USP54: variants seen among roughly 807,000 people sequenced by gnomAD.
The protein encoded by USP54 is ubiquitin carboxyl-terminal hydrolase 54.
A neutral mutation model predicts 170.5 loss-of-function variants in USP54; 87 were observed. That is an observed-to-expected ratio of 0.51 (90% confidence interval 0.43 to 0.61). The LOEUF (loss-of-function observed/expected upper bound fraction) is 0.61. USP54 is among the 20% of genes least tolerant of loss of function. The pLI, the probability that USP54 is intolerant of heterozygous loss-of-function variation, is 0.00. For synonymous variants in USP54, 655 were observed against 742.8 expected (o/e 0.88, Z 1.92); for missense variants, 1,786 against 2,047.8 (o/e 0.87, Z 2.47).
Position 73,517,718 on chromosome 10 carries a change from A to T in USP54, c.2708T>A (p.Leu903Ter). ...SEQPIPLQVL[L>*]SQEAQLESGM... is the part of the protein sequence containing the mutation. ...GGATTCCAGTTGGGCCTCTTGGCTTAACAATACTTGGAGCGGGATAGGCTG... is the reference window on the plus strand; with the variant it reads ...GGATTCCAGTTGGGCCTCTTGGCTTTACAATACTTGGAGCGGGATAGGCTG... The change falls in exon 20 of 24, where the codon TTA (leucine) becomes TAA (stop). Residue 903 changes from leucine (L) to a stop codon, truncating the protein, a stop_gained. Coordinates refer to ENST00000687698, the MANE Select transcript of USP54 (RefSeq NM_001391956.1). LOFTEE classifies it high-confidence loss of function. 6.2e-7 allele frequency: 1 copy of T among 1,614,056 alleles called. No individual in the cohort carries two copies. Among genetic ancestry groups the T allele is most frequent in the Non-Finnish European group, 8.5e-7 (1 of 1,179,978 alleles).
intron 4 of USP54, among the ~76,000 whole-genome samples, chr10:73,567,952 C>T (rs534594661): frequency 1.1e-4 from 16 of 152,152 alleles, no homozygotes; most frequent in African/African-American, 3.6e-4. Context: ...CTTGTTCTAT[C>T]ACCCTGGCTG....
At chr10:73,565,677 C>T (rs2073597457) in intron 4 of USP54, among the ~76,000 whole-genome samples, 1 of 152,070 alleles carries the variant, frequency 6.6e-6, no homozygotes, top group East Asian at 1.9e-4. Context: ...TACATGAGTA[C>T]CACCACACTG....
intron 4 of USP54, among the ~76,000 whole-genome samples, chr10:73,559,501 G>A (rs988345678): frequency 6.8e-6 from 1 of 148,008 alleles, no homozygotes; most frequent in Non-Finnish European, 1.5e-5. Context: ...TGGAGGTTGC[G>A]ATGAGCCTAG....
chr10:73,611,989 T>C (rs970088146), intron 1 of USP54, among the ~76,000 whole-genome samples: 1 of 151,304 alleles, frequency 6.6e-6, no homozygotes, highest in Non-Finnish European at 1.5e-5. Context: ...TATGCCCCTA[T>C]AGTCCCAGCT....
chr10:73,516,361 G>C lies in USP54; in HGVS notation c.4051+14C>G. 1.3e-6 allele frequency: 2 copies of C among 1,588,858 alleles called. No individual in the cohort carries two copies. Among genetic ancestry groups the C allele is most frequent in the Non-Finnish European group, 1.7e-6 (2 of 1,168,182 alleles). ...ATCCTCCCCCCTCCCCCCAACCCCT[G>C]GTTGCATTCTTACCTGTTTGGCTAA... On this transcript the variant is annotated intron_variant, in intron 20 of 23. Transcript: ENST00000687698.
intron 22 of USP54, among the ~76,000 whole-genome samples, chr10:73,504,010 C>G (rs2058638298): frequency 6.6e-6 from 1 of 152,246 alleles, no homozygotes; most frequent in African/African-American, 2.4e-5. Flanking sequence ...GCCACCACGC[C>G]TGGCCTCGGC....
chr10:73,510,731 G>A (rs1243509198), intron 20 of USP54, among the ~76,000 whole-genome samples: 1 of 152,124 alleles, frequency 6.6e-6, no homozygotes. Context: ...TTACAGGTGT[G>A]AGTCACTGTG....
Position 73,541,368 on chromosome 10 carries a change from C to A in USP54, c.825+7G>T. On this transcript the variant is annotated splice_region_variant and intron_variant, in intron 9 of 23. Transcript: ENST00000687698. ...CAAAGTGAGAGATAAAGGTAACTAA[C>A]ACGCACATCACCCAGCTTAAGGCAG... The A allele has an allele frequency of 6.2e-7, 1 of 1,613,894 alleles. No homozygotes were observed. Among genetic ancestry groups the A allele is most frequent in the African/African-American group, 1.3e-5 (1 of 75,012 alleles).
At chr10:73,623,746 T>C (rs2132373357) in intron 1 of USP54, among the ~76,000 whole-genome samples, 1 of 152,322 alleles carries the variant, frequency 6.6e-6, no homozygotes, top group Non-Finnish European at 1.5e-5. Context: ...TCATATATTG[T>C]GCTTATTACA....
At chr10:73,559,516 C>A (rs562505935) in intron 4 of USP54, among the ~76,000 whole-genome samples, 1 of 148,754 alleles carries the variant, frequency 6.7e-6, no homozygotes, top group Non-Finnish European at 1.5e-5. Flanking sequence ...GCCTAGATTG[C>A]GCCATTGCAC....
At chr10:73,625,653 C>A, upstream of USP54, 1 of 152,920 alleles carries the variant, frequency 6.5e-6, no homozygotes. Flanking sequence ...CCGTAAACAC[C>A]CTGCTCCCAA....
intron 5 of USP54, among the ~76,000 whole-genome samples, chr10:73,544,032 T>G (rs937950919): frequency 6.6e-6 from 1 of 151,594 alleles, no homozygotes; most frequent in African/African-American, 2.4e-5. Context: ...AACCTCTACC[T>G]CCCGGGTTCA....
rs565697677 is a variant in USP54, at chr10:73,611,729, G to A, written c.-18+13838C>T. ...GGAGAATCGCTTGAACCTGGGAGGC[G>A]GAGGTTGCAGTGAGTAGAGATCACG... On this transcript the variant is annotated intron_variant, in intron 1 of 22. Transcript: ENST00000339859. The A allele has an allele frequency of 5.2e-3, 789 of 151,858 alleles. 3 individuals carry two copies. The highest frequency in any genetic ancestry group is 0.016 in the South Asian group (76 of 4,796). 9.4% of individuals were successfully genotyped at this position (151,858 alleles called of 1,614,324 possible). A position where few individuals can be genotyped will look rare whatever the true frequency, so the allele number is the denominator to read the frequency against.
intron 10 of USP54, among the ~76,000 whole-genome samples, chr10:73,539,141 T>C (rs2065960362): frequency 6.6e-6 from 1 of 151,610 alleles, no homozygotes; most frequent in South Asian, 2.1e-4. Context: ...TAGCCAGGTG[T>C]GGTAGCATGC....
At chr10:73,574,943 T>C (rs1015372132) in intron 3 of USP54, among the ~76,000 whole-genome samples, 10 of 150,740 alleles carry the variant, frequency 6.6e-5, no homozygotes, top group Non-Finnish European at 8.9e-5. Context: ...AATAGAAAGA[T>C]AGGCCAGGCA....
Position 73,561,829 on chromosome 10 carries a change from T to C in USP54, c.240+9592A>G, listed in dbSNP as rs182139742. ...AAAAACAAATGAAGTAGGAAGATAC[T>C]ACAGATAGAGGGGCAATTTAGGGAT... On this transcript the variant is annotated intron_variant, in intron 4 of 23. Coordinates refer to ENST00000687698, the MANE Select transcript of USP54 (RefSeq NM_001391956.1). Among the ~76,000 whole-genome samples the C allele has an allele frequency of 6.6e-5, 10 of 152,264 alleles. No individual in the cohort carries two copies. In the East Asian group the frequency reaches 1.3e-3, roughly 21 times the overall value.
chr10:73,525,170 A>G (rs1192637222), intron 16 of USP54, among the ~76,000 whole-genome samples: 3 of 152,170 alleles, frequency 2.0e-5, no homozygotes, highest in Admixed American at 1.3e-4. Context: ...TACTTGTGTA[A>G]GCATAGAAAA....
At chr10:73,526,856 CT>C in intron 15 of USP54, 76 bp from the exon 16 acceptor site, 5 of 1,470,886 alleles carry the variant, frequency 3.4e-6, no homozygotes, top group Admixed American at 2.5e-5. Context: ...AAATCTCTCT[CT>C]CAAAAAAAAA....
In USP54 at chr10:73,535,875, C is replaced by G. The variant is rs191258029; in HGVS notation, c.1144+394G>C. On this transcript the variant is annotated intron_variant, in intron 11 of 23. Coordinates refer to ENST00000687698, the MANE Select transcript of USP54 (RefSeq NM_001391956.1). ...TTGCAATTTTAAAACAAAAATATCT[C>G]ATGCCAAACAAAATAACTAGCCTTG... Among the ~76,000 whole-genome samples the G allele has an allele frequency of 3.0e-4, 46 of 152,282 alleles. No individual in the cohort carries two copies. The East Asian group carries it at 8.5e-3, about 28-fold the overall frequency.
Sources: allele counts gnomAD v4.1 joint callset (sites outside exome capture counted in the v4.1 genomes callset), GRCh38; gene constraint gnomAD v4.1.1; transcripts MANE v1.5; gene names NCBI Gene and HGNC (gene_info 2026-07-23, HGNC 2026-07-21).